AGK: variants seen among roughly 807,000 people sequenced by gnomAD.
AGK encodes the protein acylglycerol kinase, also known as acylglycerol kinase, mitochondrial.
A neutral mutation model predicts 66.4 loss-of-function variants in AGK; 52 were observed. The observed-to-expected ratio is 0.78, with a 90% CI of 0.63 to 0.99. The LOEUF is 0.99. Among genes scored for constraint, AGK ranks in the 50% least tolerant of loss-of-function variants. The probability of loss-of-function intolerance (pLI) is 0.00; values close to 1 mark genes in which losing one functional copy is unlikely to be tolerated. For missense variants in AGK, 451 were observed against 506.6 expected (o/e 0.89, Z 1.05); for synonymous variants, 182 against 181.1 (o/e 1.00, Z -0.04).
intron 2 of AGK, among the ~76,000 whole-genome samples, chr7:141,572,814 A>T (rs936020626): frequency 1.3e-5 from 2 of 151,982 alleles, no homozygotes; most frequent in African/African-American, 4.8e-5. Flanking sequence ...GGGGGGGGGA[A>T]ATGTGTTGGA....
intron 13 of AGK, among the ~76,000 whole-genome samples, chr7:141,648,330 T>C (rs1382184981): frequency 6.6e-6 from 1 of 152,254 alleles, no homozygotes; most frequent in Non-Finnish European, 1.5e-5. Context: ...GAAAGTCATG[T>C]GGGTTTTGTT....
In AGK at chr7:141,604,382, A is replaced by G. The variant is rs867797553; in HGVS notation, c.297+3102A>G. Among the ~76,000 whole-genome samples, 199 of 141,354 alleles carry G rather than the reference A, an allele frequency of 1.4e-3. 1 individual carries two copies. Among genetic ancestry groups the G allele is most frequent in the African/African-American group, 4.2e-3 (160 of 37,848 alleles). 92.7% of individuals were successfully genotyped at this position (141,354 alleles called of 152,430 possible). On this transcript the variant is annotated intron_variant, in intron 5 of 15. Transcript: ENST00000649286. ...TGAATGTGTGTGTGTGTGTATATATATATATATATATATATATATATACAC... is the reference window on the plus strand; with the variant it reads ...TGAATGTGTGTGTGTGTGTATATATGTATATATATATATATATATATACAC...
At chr7:141,601,326 T>C in intron 5 of AGK, 46 bp downstream of exon 5, 1 of 1,476,602 alleles carries the variant, frequency 6.8e-7, no homozygotes, top group Non-Finnish European at 9.4e-7. Context: ...CAGCTGCCTC[T>C]TATAACAACC....
intron 2 of AGK, among the ~76,000 whole-genome samples, chr7:141,572,881 G>C (rs1269495833): frequency 6.6e-6 from 1 of 152,138 alleles, no homozygotes; most frequent in African/African-American, 2.4e-5. Context: ...TTTACTTTTG[G>C]TGCAGATTAT....
At chr7:141,649,364 G>A (rs759446945) in intron 14 of AGK, 31 bp downstream of exon 14, 1 of 1,528,714 alleles carries the variant, frequency 6.5e-7, no homozygotes, top group East Asian at 2.3e-5. Flanking sequence ...AGGAAATGAG[G>A]CTTGTGATTT....
intron 2 of AGK, among the ~76,000 whole-genome samples, chr7:141,562,392 G>A (rs767876616): frequency 3.3e-5 from 5 of 152,188 alleles, no homozygotes; most frequent in African/African-American, 9.7e-5. Context: ...TTTCTCAGGC[G>A]ATGGGTGGGG....
chr7:141,573,009 G>A (rs748343626), intron 2 of AGK, among the ~76,000 whole-genome samples: 1 of 152,230 alleles, frequency 6.6e-6, no homozygotes, highest in Non-Finnish European at 1.5e-5. Flanking sequence ...ATGGTCTGGG[G>A]CCTGGCGGCT....
intron 2 of AGK, among the ~76,000 whole-genome samples, chr7:141,582,581 G>A (rs1295784522): frequency 6.6e-6 from 1 of 151,948 alleles, no homozygotes; most frequent in Non-Finnish European, 1.5e-5. Context: ...AGCATCTAAG[G>A]GTTGTTGCCA....
chr7:141,593,296 AT>A, intron 3 of AGK, 111 bp downstream of exon 3: 4 of 962,116 alleles, frequency 4.2e-6, no homozygotes, highest in Non-Finnish European at 4.9e-6. Context: ...CAGTCTGGCT[AT>A]TTTTTAGCAC....
intron 5 of AGK, among the ~76,000 whole-genome samples, chr7:141,601,889 T>C (rs557296578): frequency 6.6e-6 from 1 of 152,324 alleles, no homozygotes; most frequent in Admixed American, 6.5e-5. Context: ...TTTCTAATAT[T>C]GTACACTTCC....
At chr7:141,636,496 G>T (rs1298469522) in intron 10 of AGK, among the ~76,000 whole-genome samples, 1 of 152,202 alleles carries the variant, frequency 6.6e-6, no homozygotes, top group Non-Finnish European at 1.5e-5. Flanking sequence ...ATAAAGTGAT[G>T]TGTAGGCACT....
intron 2 of AGK, among the ~76,000 whole-genome samples, chr7:141,576,849 C>G (rs1358022693): frequency 6.6e-6 from 1 of 151,784 alleles, no homozygotes; most frequent in African/African-American, 2.4e-5. Flanking sequence ...ACCATCCTCG[C>G]TAACACGGTG....
At chr7:141,567,646 G>A (rs1459093475) in intron 2 of AGK, among the ~76,000 whole-genome samples, 2 of 152,226 alleles carry the variant, frequency 1.3e-5, no homozygotes, top group Non-Finnish European at 2.9e-5. Context: ...GACAGTTTAA[G>A]GATTGCTCAT....
rs140843217 is a variant in AGK, at chr7:141,608,240, G to A, written c.298-2955G>A. 3.7e-3 allele frequency among the ~76,000 whole-genome samples: 559 copies of A among 152,238 alleles called. 2 individuals are homozygous for A. The highest frequency in any genetic ancestry group is 0.013 in the African/African-American group (533 of 41,536). ...AGATTAAGCAGGGTAAGGAGACAAA[G>A]GTTATTTTACTTATTACTATTAACT... On this transcript the variant is annotated intron_variant, in intron 5 of 15. Transcript: ENST00000649286.
chr7:141,652,501 A>G, intron 15 of AGK: 1 of 264,586 alleles, frequency 3.8e-6, no homozygotes, highest in East Asian at 6.9e-5. Flanking sequence ...ATATTTGAAA[A>G]TTATAACCAT....
chr7:141,621,627 A>G (rs369065604), intron 8 of AGK, 105 bp from the exon 9 acceptor site: 2 of 758,818 alleles, frequency 2.6e-6, no homozygotes, highest in African/African-American at 3.5e-5. Context: ...AGAGAATGAG[A>G]GAGAATATGT....
intron 11 of AGK, among the ~76,000 whole-genome samples, chr7:141,640,725 G>C (rs1797269412): frequency 6.6e-6 from 1 of 152,124 alleles, no homozygotes; most frequent in Non-Finnish European, 1.5e-5. Flanking sequence ...GGTGACACTG[G>C]ACTTGGGATG....
chr7:141,577,489 A>G (rs1795771538), intron 2 of AGK, among the ~76,000 whole-genome samples: 1 of 152,240 alleles, frequency 6.6e-6, no homozygotes, highest in African/African-American at 2.4e-5. Context: ...ACCACAAAAA[A>G]TTAGGCTTGC....
At chr7:141,613,269 CT>C (rs370921153) in intron 6 of AGK, among the ~76,000 whole-genome samples, 4 of 152,026 alleles carry the variant, frequency 2.6e-5, no homozygotes, top group Non-Finnish European at 5.9e-5. Flanking sequence ...AAAATATGCA[CT>C]GATTAGAAAA....
Sources: allele counts gnomAD v4.1 joint callset (sites outside exome capture counted in the v4.1 genomes callset), GRCh38; gene constraint gnomAD v4.1.1; transcripts MANE v1.5; gene names NCBI Gene and HGNC (gene_info 2026-07-23, HGNC 2026-07-21).